Variants in GSK3B observed in about 807,000 individuals in gnomAD.
GSK3B encodes glycogen synthase kinase-3 beta.
A neutral mutation model predicts 56.4 loss-of-function variants in GSK3B; 15 were observed. The ratio of observed to expected loss-of-function variants is 0.27; its 90% CI spans 0.18 to 0.41. The LOEUF (loss-of-function observed/expected upper bound fraction) is 0.41. Among genes scored for constraint, GSK3B ranks in the 10% least tolerant of loss-of-function variants. The probability of loss-of-function intolerance (pLI) is 1.00; values close to 1 mark genes in which losing one functional copy is unlikely to be tolerated. For missense variants in GSK3B, 300 were observed against 513.4 expected (o/e 0.58, Z 4.02); for synonymous variants, 181 against 188.9 (o/e 0.96, Z 0.34).
At chr3:119,971,105 T>C (rs2057362727) in intron 2 of GSK3B, among the ~76,000 whole-genome samples, 2 of 152,222 alleles carry the variant, frequency 1.3e-5, no homozygotes, top group Admixed American at 1.3e-4. Flanking sequence ...ATTAACTTTC[T>C]TATATAAATG....
At chr3:119,906,305 T>C (rs1262536042) in intron 6 of GSK3B, among the ~76,000 whole-genome samples, 2 of 152,072 alleles carry the variant, frequency 1.3e-5, no homozygotes, top group African/African-American at 4.8e-5. Context: ...GGAACACTTT[T>C]AAGACTTTAA....
chr3:119,875,498 GACAC>G (rs66880409), intron 8 of GSK3B, among the ~76,000 whole-genome samples: 15,778 of 144,596 alleles, frequency 0.11, 1,093 homozygotes, highest in East Asian at 0.23. Flanking sequence ...GGTAACCCGT[GACAC>G]ACACACACAC....
chr3:119,827,585 TAAAAAAAAA>T (rs1156408098), intron 10 of GSK3B, among the ~76,000 whole-genome samples: 1 of 42,110 alleles, frequency 2.4e-5, no homozygotes, highest in Non-Finnish European at 4.5e-5. Flanking sequence ...ATACCGTCTT[TAAAAAAAAA>T]AAAAAAAAAA....
chr3:119,969,306 AT>A (rs1371178544), intron 2 of GSK3B, among the ~76,000 whole-genome samples: 2 of 151,726 alleles, frequency 1.3e-5, no homozygotes, highest in Non-Finnish European at 2.9e-5. Context: ...AAAAAAAAAA[AT>A]CTATATGATG....
At chr3:119,840,455 C>G (rs1488226764) in intron 10 of GSK3B, among the ~76,000 whole-genome samples, 1 of 152,100 alleles carries the variant, frequency 6.6e-6, no homozygotes, top group African/African-American at 2.4e-5. Flanking sequence ...AACTCCCAAC[C>G]TCAGGTGATC....
chr3:119,833,687 G>GTTT lies in GSK3B; in HGVS notation c.1196-6833_1196-6832insAAA, dbSNP rs1162358136. On this transcript the variant is annotated intron_variant, in intron 10 of 10. Coordinates refer to ENST00000264235, the MANE Select transcript of GSK3B (RefSeq NM_001146156.2). ...TTATAAGTACACTTGGAAACATTAG[G>GTTT]TTGTTTTTTTTTTTTTTTTTTTTTT... Among the ~76,000 whole-genome samples, 135 of 133,410 alleles carry GTTT rather than the reference G, an allele frequency of 1.0e-3. 3 individuals carry two copies. The highest frequency in any genetic ancestry group is 3.7e-3 in the African/African-American group (126 of 34,068). The allele number at this position is 133,410 out of a possible 152,430, so 87.5% of individuals were successfully genotyped here. A position where few individuals can be genotyped will look rare whatever the true frequency, so the allele number is the denominator to read the frequency against.
intron 2 of GSK3B, among the ~76,000 whole-genome samples, chr3:119,994,098 G>A (rs2057592024): frequency 2.0e-5 from 3 of 152,072 alleles, no homozygotes; most frequent in African/African-American, 4.8e-5. Flanking sequence ...TCCTGACCTC[G>A]TGATCCGCCC....
intron 1 of GSK3B, among the ~76,000 whole-genome samples, chr3:120,071,159 G>A (rs2058323255): frequency 1.3e-5 from 2 of 152,304 alleles, no homozygotes; most frequent in South Asian, 4.1e-4. Flanking sequence ...ATCGTTTAGA[G>A]TAACTACTGT....
intron 3 of GSK3B, among the ~76,000 whole-genome samples, chr3:119,943,750 T>G (rs2057072145): frequency 6.9e-6 from 1 of 145,640 alleles, no homozygotes; most frequent in African/African-American, 2.6e-5. Context: ...AAAAAGGAAA[T>G]AAGAGAGGGA....
intron 9 of GSK3B, chr3:119,843,701 T>C (rs2055812917): frequency 6.2e-6 from 1 of 160,570 alleles, no homozygotes; most frequent in East Asian, 1.9e-4. Flanking sequence ...ACAAAGAGAC[T>C]TGGACTCCCA....
At chr3:120,033,665 G>T (rs978418502) in intron 1 of GSK3B, among the ~76,000 whole-genome samples, 2 of 152,138 alleles carry the variant, frequency 1.3e-5, no homozygotes, top group Admixed American at 1.3e-4. Flanking sequence ...TGGAGGAGGG[G>T]CCTGGTGGGA....
At chr3:119,957,264 C>A (rs1411047016) in intron 2 of GSK3B, among the ~76,000 whole-genome samples, 1 of 152,138 alleles carries the variant, frequency 6.6e-6, no homozygotes, top group African/African-American at 2.4e-5. Flanking sequence ...GTAGGCTTAA[C>A]ATGTTCTGTA....
In GSK3B at chr3:119,841,724, G is replaced by T. The variant is rs529496702; in HGVS notation, c.1195+1531C>A. Among the ~76,000 whole-genome samples the T allele has an allele frequency of 2.0e-4, 31 of 152,304 alleles. No individual in the cohort carries two copies. The South Asian group carries it at 6.0e-3, about 30-fold the overall frequency. ...ACTCCATTTTACAGACTGGGAAAAT[G>T]AATAAGACACTAATTAAACTAATAA... On this transcript the variant is annotated intron_variant, in intron 10 of 10. Coordinates refer to ENST00000264235, the MANE Select transcript of GSK3B (RefSeq NM_001146156.2).
intron 1 of GSK3B, among the ~76,000 whole-genome samples, chr3:120,043,230 C>T (rs750136005): frequency 6.6e-6 from 1 of 152,130 alleles, no homozygotes; most frequent in Non-Finnish European, 1.5e-5. Context: ...ATGGACCCAT[C>T]ACACCCGAGT....
At position 119,901,637 on chromosome 3, in the gene GSK3B, A is replaced by C. The variant is rs919981841; in HGVS notation, c.813+4118T>G. On this transcript the variant is annotated intron_variant, in intron 7 of 10. Transcript: ENST00000264235. ...TGAGTCAATAAACAACATACACAAC[A>C]ACCACATTAACTTTTCTTATTAATT... 4.6e-5 allele frequency among the ~76,000 whole-genome samples: 7 copies of C among 152,198 alleles called. No homozygotes were observed. In the East Asian group the frequency reaches 5.8e-4, roughly 13 times the overall value.
intron 3 of GSK3B, among the ~76,000 whole-genome samples, chr3:119,932,010 T>A (rs1235667547): frequency 6.6e-6 from 1 of 152,230 alleles, no homozygotes; most frequent in South Asian, 2.1e-4. Flanking sequence ...TTTGATCACA[T>A]GTAACAACAA....
intron 9 of GSK3B, among the ~76,000 whole-genome samples, chr3:119,857,807 T>C (rs767550777): frequency 1.4e-4 from 21 of 152,238 alleles, no homozygotes; most frequent in Non-Finnish European, 2.6e-4. Context: ...TACAGCCTTA[T>C]GAAATGCATT....
chr3:119,844,195 G>A (rs536030336), intron 9 of GSK3B, among the ~76,000 whole-genome samples: 2 of 152,092 alleles, frequency 1.3e-5, no homozygotes, highest in African/African-American at 4.8e-5. Flanking sequence ...GAAATTTATA[G>A]CACTAAATAA....
intron 3 of GSK3B, among the ~76,000 whole-genome samples, chr3:119,946,756 T>C (rs907070159): frequency 1.3e-5 from 2 of 152,194 alleles, no homozygotes; most frequent in South Asian, 2.1e-4. Context: ...TGGTCAGACA[T>C]AGGGATCACT....
Sources: gnomAD v4.1 joint callset for allele counts (sites outside exome capture counted in the v4.1 genomes callset) on GRCh38, gnomAD v4.1.1 for gene constraint, MANE v1.5 for transcripts, NCBI Gene and HGNC (gene_info 2026-07-23, HGNC 2026-07-21) for gene names.